Variants in ZC3H12B observed in about 807,000 individuals in gnomAD.
ZC3H12B encodes zinc finger CCCH-type containing 12B.
ZC3H12B carries 7 observed loss-of-function variants against 43.9 expected under a neutral mutation model. The observed-to-expected ratio is 0.16, with a 90% CI of 0.09 to 0.30. The LOEUF is 0.30. Ranked by LOEUF, ZC3H12B falls within the 10% of genes least tolerant of loss-of-function variation. The pLI is 1.00. For missense variants in ZC3H12B, 475 were observed against 670.2 expected (o/e 0.71, Z 3.22); for synonymous variants, 222 against 241.7 (o/e 0.92, Z 0.76).
At chrX:65,101,762 C>G in the ZC3H12B span, among the ~76,000 whole-genome samples, 1 of 111,670 alleles carries the variant, frequency 9.0e-6, no homozygotes, top group African/African-American at 3.3e-5. Context: ...ACCTACCAAC[C>G]AAAAAAGCCA....
chrX:65,289,713 G>T, the ZC3H12B span, among the ~76,000 whole-genome samples: 2 of 110,071 alleles, frequency 1.8e-5, no homozygotes, highest in Admixed American at 2.0e-4. Context: ...CTTAGACAAA[G>T]CTGACAAGAA....
chrX:65,123,092 A>G, the ZC3H12B span, among the ~76,000 whole-genome samples: 86 of 112,198 alleles, frequency 7.7e-4, no homozygotes, highest in Non-Finnish European at 9.2e-4. Context: ...TTATTTTGAG[A>G]TACATCCCAT....
At chrX:65,231,563 C>A in the ZC3H12B span, among the ~76,000 whole-genome samples, 21 of 111,000 alleles carry the variant, frequency 1.9e-4, 1 homozygote, top group East Asian at 6.0e-3. Flanking sequence ...ATAGAACTAC[C>A]CCCAGGAATG....
the ZC3H12B span, among the ~76,000 whole-genome samples, chrX:65,325,067 T>C: frequency 1.1e-4 from 12 of 111,302 alleles, no homozygotes; most frequent in Admixed American, 2.9e-4. Context: ...TGCAGTTGTT[T>C]ATACATAAAG....
chrX:65,246,301 G>A, the ZC3H12B span, among the ~76,000 whole-genome samples: 23 of 111,897 alleles, frequency 2.1e-4, no homozygotes, highest in South Asian at 6.3e-3. Flanking sequence ...CTCATAGATA[G>A]GAATAATCAA....
At chrX:65,426,359 G>T (rs1270210257) in intron 3 of ZC3H12B, among the ~76,000 whole-genome samples, 3 of 92,782 alleles carry the variant, frequency 3.2e-5, no homozygotes, top group Non-Finnish European at 6.2e-5. Flanking sequence ...TTATTATTCT[G>T]GTTAGCAGTC....
the ZC3H12B span, among the ~76,000 whole-genome samples, chrX:65,189,594 T>G: frequency 9.5e-6 from 1 of 105,018 alleles, no homozygotes. Flanking sequence ...ATAAATGTCT[T>G]CTTTTGAGAA....
At chrX:65,292,394 G>A in the ZC3H12B span, among the ~76,000 whole-genome samples, 2 of 111,350 alleles carry the variant, frequency 1.8e-5, no homozygotes, top group African/African-American at 6.5e-5. Flanking sequence ...ACCAAATACG[G>A]CATGTTCTCA....
chrX:65,458,519 A>G (rs1456140196), intron 3 of ZC3H12B, among the ~76,000 whole-genome samples: 2 of 112,219 alleles, frequency 1.8e-5, no homozygotes, highest in African/African-American at 6.5e-5. Flanking sequence ...CTCTCAGACC[A>G]CAGTGCAATC....
chrX:65,163,270 G>T, the ZC3H12B span, among the ~76,000 whole-genome samples: 1 of 111,418 alleles, frequency 9.0e-6, no homozygotes, highest in African/African-American at 3.3e-5. Flanking sequence ...CTCCAGCTGC[G>T]TGATGGGAGA....
chrX:65,130,826 C>G, the ZC3H12B span, among the ~76,000 whole-genome samples: 1 of 111,517 alleles, frequency 9.0e-6, no homozygotes, highest in Non-Finnish European at 1.9e-5. Context: ...AGGAGAAAAA[C>G]TGCCATGAGG....
chrX:65,037,616 T>A, the ZC3H12B span, among the ~76,000 whole-genome samples: 1 of 111,429 alleles, frequency 9.0e-6, no homozygotes, highest in Non-Finnish European at 1.9e-5. Flanking sequence ...GAGTGTTAAG[T>A]TCACATGTTT....
chrX:65,155,434 G>T, the ZC3H12B span, among the ~76,000 whole-genome samples: 1 of 111,680 alleles, frequency 9.0e-6, no homozygotes, highest in Non-Finnish European at 1.9e-5. Context: ...AACCCACTTT[G>T]ATCTTTTCTT....
the ZC3H12B span, among the ~76,000 whole-genome samples, chrX:65,052,904 T>C: frequency 2.7e-5 from 3 of 112,083 alleles, no homozygotes; most frequent in South Asian, 7.4e-4. Flanking sequence ...CATCAGTATA[T>C]AAGGGTTCAC....
chrX:65,369,040 T>C, intron 2 of ZC3H12B, 42 bp downstream of exon 4: 1 of 111,907 alleles, frequency 8.9e-6, no homozygotes, highest in Admixed American at 9.5e-5. Context: ...TGTGTGTGTG[T>C]TTGAAAGAGT....
the ZC3H12B span, among the ~76,000 whole-genome samples, chrX:65,108,799 ATGTT>A: frequency 8.9e-6 from 1 of 111,748 alleles, no homozygotes; most frequent in East Asian, 2.8e-4. Context: ...GCAGCATAGT[ATGTT>A]TGTTTACACC....
the ZC3H12B span, among the ~76,000 whole-genome samples, chrX:65,115,918 ATTTGAGTTCC>A: frequency 1.8e-5 from 2 of 109,754 alleles, no homozygotes; most frequent in Non-Finnish European, 3.8e-5. Context: ...TTTCTTGTTC[ATTTGAGTTCC>A]TTTTAGATTC....
the ZC3H12B span, among the ~76,000 whole-genome samples, chrX:65,254,100 A>G: frequency 8.9e-6 from 1 of 111,860 alleles, no homozygotes; most frequent in African/African-American, 3.3e-5. Context: ...GTGTGGGCAC[A>G]CGAATGGAGA....
chrX:65,465,701 T>C (rs955025332), intron 3 of ZC3H12B, among the ~76,000 whole-genome samples: 2 of 111,215 alleles, frequency 1.8e-5, no homozygotes, highest in Non-Finnish European at 3.8e-5. Flanking sequence ...ACTGCCTTAT[T>C]TTGTGTTGAA....
Sources: gnomAD v4.1 joint callset for allele counts (sites outside exome capture counted in the v4.1 genomes callset) on GRCh38, gnomAD v4.1.1 for gene constraint, MANE v1.5 for transcripts, NCBI Gene and HGNC (gene_info 2026-07-23, HGNC 2026-07-21) for gene names.